FLG: variants seen among roughly 807,000 people sequenced by gnomAD.
FLG encodes filaggrin, also known as epidermal filaggrin.
Under a neutral mutation model 3.8 loss-of-function variants are expected in FLG, and 6 were observed. The ratio of observed to expected loss-of-function variants is 1.60; its 90% confidence interval spans 0.87 to 3.15. The LOEUF (loss-of-function observed/expected upper bound fraction) is 3.15. Ranked by LOEUF, FLG falls within the 30% of genes most tolerant of loss-of-function variation. FLG has a pLI of 0.00. For synonymous variants in FLG, 2,551 were observed against 1,931.6 expected, an observed-to-expected ratio of 1.32 and a Z score of -8.41; for missense variants, 7,595 against 5,050.9, an observed-to-expected ratio of 1.50 and a Z score of -15.27.
At chr1:152,324,057 G>A (rs1653065688) in intron 1 of FLG, among the ~76,000 whole-genome samples, 1 of 151,546 alleles carries the variant, frequency 6.6e-6, no homozygotes, top group Non-Finnish European at 1.5e-5. Flanking sequence ...GAATCAGTGT[G>A]ATGAGAAAAC....
rs774998221 is a variant in FLG, at chr1:152,304,718, C to T, written c.10168G>A (p.Val3390Met). The T allele has an allele frequency of 1.5e-5, 24 of 1,613,300 alleles. No homozygotes were observed. In the Admixed American group the frequency reaches 3.8e-4, roughly 26 times the overall value. ...SGRSGSFLYQ[V>M]STHEQSESAH... is the part of the protein sequence containing the mutation. ...GACTCAGACTGTTCATGAGTGCTCA[C>T]CTGGTAGAGGAAAGACCCTGAACGT... The change falls in exon 3 of 3, where the codon GTG (valine) becomes ATG (methionine). Residue 3390 changes from valine to methionine, a missense_variant. By Grantham distance (21) the Val-to-Met change is conservative. Transcript: ENST00000368799.
Position 152,309,610 on chromosome 1 carries a change from G to C in FLG, c.5276C>G (p.Ser1759Cys). 6.2e-7 allele frequency: 1 copy of C among 1,613,928 alleles called. No individual in the cohort carries two copies. Among genetic ancestry groups the C allele is most frequent in the Non-Finnish European group, 8.5e-7 (1 of 1,179,988 alleles). ...GTAGAGGAAAGACCCTGAACGTCCAGACCTTTCCCCTGACTGGCCACGTGT... is the reference window on the plus strand; with the variant it reads ...GTAGAGGAAAGACCCTGAACGTCCACACCTTTCCCCTGACTGGCCACGTGT... Reference protein sequence around the residue: ...ESTRGQSGERSGRSGSFLYQV... With the variant: ...ESTRGQSGERCGRSGSFLYQV... Residue 1759 changes from serine (S) to cysteine (C), a missense_variant, in exon 3 of 3, where the codon TCT becomes TGT. Coordinates refer to ENST00000368799, the MANE Select transcript of FLG (RefSeq NM_002016.2).
intron 1 of FLG, among the ~76,000 whole-genome samples, chr1:152,315,978 A>C (rs1013764344): frequency 1.3e-5 from 2 of 152,178 alleles, no homozygotes; most frequent in Non-Finnish European, 2.9e-5. Flanking sequence ...TAAACATTTC[A>C]TGAAGTTTAT....
At position 152,302,987 on chromosome 1, in the gene FLG, T is replaced by G; in HGVS notation, c.11899A>C (p.Lys3967Gln). The G allele has an allele frequency of 1.2e-6, 2 of 1,614,186 alleles. No homozygotes were observed. The highest frequency in any genetic ancestry group is 1.7e-6 in the Non-Finnish European group (2 of 1,180,026). ...HYQSEGTERQ[K>Q]GQSGLVWRHG... ...CTCCAAACTAAACCTGATTGACCTT[T>G]TTGCCTTTCAGTGCCCTCAGATTGA... is the stretch of plus-strand genomic sequence containing the variant. Residue 3967 changes from lysine (K) to glutamine (Q), a missense_variant, in exon 3 of 3, where the codon AAA (lysine) becomes CAA (glutamine). Physicochemically the swap from Lys to Gln is moderately conservative, Grantham distance 53 (BLOSUM62 1). Coordinates refer to ENST00000368799, the MANE Select transcript of FLG (RefSeq NM_002016.2).
Position 152,308,523 on chromosome 1 carries a change from C to A in FLG, c.6363G>T (p.Gln2121His). Residue 2121 changes from glutamine (Q) to histidine (H), a missense_variant, in exon 3 of 3, where the codon CAG becomes CAT. Transcript: ENST00000368799. ...CTGAGTGCCTGGAGCTGTCTTGTGC[C>A]TGATCATAATGGGATCCTTGTCTTC... is the stretch of plus-strand genomic sequence containing the variant. ...TGGRQGSHYD[Q>H]AQDSSRHSAS... is the part of the protein sequence containing the mutation. 1 of 1,613,624 alleles carries A rather than the reference C, an allele frequency of 6.2e-7. No homozygotes were observed. The highest frequency in any genetic ancestry group is 8.5e-7 in the Non-Finnish European group (1 of 1,179,712).
chr1:152,304,737 T>A lies in FLG; in HGVS notation c.10149A>T (p.Ser3383=), dbSNP rs1651832146. Residue 3383 remains serine (S), a synonymous_variant, in exon 3 of 3, where the codon TCA becomes TCT. Transcript: ENST00000368799. ...RDRSGGRSGR[S]GSFLYQVSTH... is the part of the protein sequence containing the mutation. ...TGCTCACCTGGTAGAGGAAAGACCC[T>A]GAACGTCCAGACCTTCCCCCTGACC... is the stretch of plus-strand genomic sequence containing the variant. The A allele has an allele frequency of 6.2e-7, 1 of 1,613,484 alleles. No individual in the cohort carries two copies. The highest frequency in any genetic ancestry group is 1.3e-5 in the African/African-American group (1 of 74,890).
rs1652244429 is a variant in FLG, at chr1:152,309,591, GA to G, written c.5294del (p.Phe1765SerfsTer5). ...GTTCATGAGTGCTCACCTGGTAGAG[GA>G]AAGACCCTGAACGTCCAGACCTTTC... Reference protein sequence around the residue: ...SGERSGRSGSFLYQVSTHEQS... With the variant: ...SGERSGRSGSXLYQVSTHEQS... On this transcript the variant is annotated frameshift_variant, in exon 3 of 3. Coordinates refer to ENST00000368799, the MANE Select transcript of FLG (RefSeq NM_002016.2). LOFTEE classifies it low-confidence loss of function (END_TRUNC). 6.2e-7 allele frequency: 1 copy of G among 1,613,892 alleles called. No homozygotes were observed. The highest frequency in any genetic ancestry group is 2.2e-5 in the East Asian group (1 of 44,826).
rs756516055 is a variant in FLG at position 152,307,325 on chromosome 1, C to T, written c.7561G>A (p.Glu2521Lys). 4.1e-5 allele frequency: 66 copies of T among 1,613,416 alleles called. No individual in the cohort carries two copies. In the African/African-American group the frequency reaches 6.7e-4, roughly 16 times the overall value. ...TGCCTGGAGCCGTCTCCTGATTGTTCATCGTTACGAGTTTGTCTGCTTGCA... is the reference window on the plus strand; with the variant it reads ...TGCCTGGAGCCGTCTCCTGATTGTTTATCGTTACGAGTTTGTCTGCTTGCA... ...RSASRQTRNDEQSGDGSRHSG... is the reference protein window; with the variant it reads ...RSASRQTRNDKQSGDGSRHSG... The change falls in exon 3 of 3, where the codon GAA becomes AAA. Residue 2521 changes from glutamate to lysine, a missense_variant. Coordinates refer to ENST00000368799, the MANE Select transcript of FLG (RefSeq NM_002016.2).
Position 152,310,490 on chromosome 1 carries a change from G to T in FLG, c.4396C>A (p.Gln1466Lys), listed in dbSNP as rs1652328185. ...GQTAPSTGGR[Q>K]GSRHEQARNS... Reference sequence around the variant, plus strand: ...CGTGCCTGCTCATGGCGGGATCCTTGTCTTCCTCCAGTGCTGGGTGCAGTC... The same window carrying T: ...CGTGCCTGCTCATGGCGGGATCCTTTTCTTCCTCCAGTGCTGGGTGCAGTC... Residue 1466 changes from glutamine to lysine, a missense_variant, in exon 3 of 3, where the codon CAA becomes AAA. Gln to Lys is a moderately conservative substitution (Grantham distance 53, BLOSUM62 1). Coordinates refer to ENST00000368799, the MANE Select transcript of FLG (RefSeq NM_002016.2). 1.9e-6 allele frequency: 3 copies of T among 1,613,668 alleles called. No homozygotes were observed. The highest frequency in any genetic ancestry group is 2.5e-6 in the Non-Finnish European group (3 of 1,179,876).
chr1:152,303,425 C>T lies in FLG; in HGVS notation c.11461G>A (p.Asp3821Asn), dbSNP rs1651723740. 6.2e-7 allele frequency: 1 copy of T among 1,614,044 alleles called. No homozygotes were observed. Among genetic ancestry groups the T allele is most frequent in the Non-Finnish European group, 8.5e-7 (1 of 1,180,036 alleles). ...CGCGACCCTGAGTGCCTGGAGCCGT[C>T]TCCTGACTGTTCCTCATTACGTGTT... ...RETRNEEQSG[D>N]GSRHSGSRHH... Residue 3821 changes from aspartate (D) to asparagine (N), a missense_variant, in exon 3 of 3, where the codon GAC becomes AAC. By Grantham distance (23) the Asp-to-Asn change is conservative. Coordinates refer to ENST00000368799, the MANE Select transcript of FLG (RefSeq NM_002016.2).
Position 152,313,537 on chromosome 1 carries a change from T to C in FLG, c.1349A>G (p.His450Arg). 1.2e-6 allele frequency: 2 copies of C among 1,613,676 alleles called. No individual in the cohort carries two copies. The highest frequency in any genetic ancestry group is 2.7e-5 in the African/African-American group (2 of 74,892). Reference sequence around the variant, plus strand: ...TGACCGGCCACGTGTGGACTCTTGGTGGCTCTGCTGTCTCAGCCCAGCCTT... The same window carrying C: ...TGACCGGCCACGTGTGGACTCTTGGCGGCTCTGCTGTCTCAGCCCAGCCTT... ...HGKAGLRQQS[H>R]QESTRGRSGE... Residue 450 changes from histidine to arginine, a missense_variant, in exon 3 of 3, where the codon CAC becomes CGC. By Grantham distance (29) the His-to-Arg change is conservative (BLOSUM62 0). Transcript: ENST00000368799.
At position 152,304,923 on chromosome 1, in the gene FLG, T is replaced by G. The variant is rs1318964496; in HGVS notation, c.9963A>C (p.Gly3321=). The part of the protein sequence containing the change: ...DSSRHSGIPR[G]QASSAVRDSR... Reference sequence around the variant, plus strand: ...TGTCTCTGACTGCAGATGAAGCTTGTCCACGCGGAATGCCTGAGTGTCTGG... The same window carrying G: ...TGTCTCTGACTGCAGATGAAGCTTGGCCACGCGGAATGCCTGAGTGTCTGG... The change falls in exon 3 of 3, where the codon GGA becomes GGC. Residue 3321 remains glycine, a synonymous_variant. Coordinates refer to ENST00000368799, the MANE Select transcript of FLG (RefSeq NM_002016.2). 1 of 1,613,694 alleles carries G rather than the reference T, an allele frequency of 6.2e-7. No individual in the cohort carries two copies. Among genetic ancestry groups the G allele is most frequent in the Non-Finnish European group, 8.5e-7 (1 of 1,179,944 alleles).
In FLG at chr1:152,308,627, A is replaced by G. The variant is rs537052355; in HGVS notation, c.6259T>C (p.Ser2087Pro). ...CTCACCTGGTAGAGGAAAGACCCTG[A>G]ACGTCCAGAGCTTTCCCCTGACTGG... The part of the protein sequence containing the change: ...RGQSGESSGR[S>P]GSFLYQVSTH... The change falls in exon 3 of 3, where the codon TCA (serine) becomes CCA (proline). Residue 2087 changes from serine (S) to proline (P), a missense_variant. Transcript: ENST00000368799. 1.4e-5 allele frequency: 22 copies of G among 1,614,038 alleles called. No homozygotes were observed. Among genetic ancestry groups the G allele is most frequent in the Non-Finnish European group, 1.8e-5 (21 of 1,179,992 alleles).
Position 152,310,589 on chromosome 1 carries a change from C to A in FLG, c.4297G>T (p.Glu1433Ter), listed in dbSNP as rs267598030. 15 of 1,613,858 alleles carry A rather than the reference C, an allele frequency of 9.3e-6. No individual in the cohort carries two copies. Among genetic ancestry groups the A allele is most frequent in the Middle Eastern group, 1.6e-4 (1 of 6,084 alleles). ...HKESARGQSG[E>*]SSGRSRSFLY... The stretch of plus-strand genomic sequence containing the variant: ...AAAGACCTTGAACGTCCAGAGCTTT[C>A]CCCTGACTGGCCACGTGCGGACTCT... Residue 1433 changes from glutamate (E) to a stop codon, truncating the protein, a stop_gained, in exon 3 of 3, where the codon GAA (glutamate) becomes TAA (stop). Transcript: ENST00000368799. LOFTEE classifies it low-confidence loss of function (END_TRUNC).
Position 152,305,913 on chromosome 1 carries a change from G to T in FLG, c.8973C>A (p.His2991Gln), listed in dbSNP as rs1360535214. The T allele has an allele frequency of 7.1e-7, 1 of 1,398,870 alleles. No individual in the cohort carries two copies. The highest frequency in any genetic ancestry group is 9.7e-7 in the Non-Finnish European group (1 of 1,029,800). The allele number at this position is 1,398,870 out of a possible 1,614,324, so 86.7% of individuals were successfully genotyped here. Reference sequence around the variant, plus strand: ...AAGCTTGTCCGTGCCCAATGCCTGAGTGTCTGGAGCTGTCTGCTGACTGCT... The same window carrying T: ...AAGCTTGTCCGTGCCCAATGCCTGATTGTCTGGAGCTGTCTGCTGACTGCT... ...HHQQSADSSR[H>Q]SGIGHGQASS... The change falls in exon 3 of 3, where the codon CAC becomes CAA. Residue 2991 changes from histidine to glutamine, a missense_variant. Physicochemically the swap from His to Gln is conservative, Grantham distance 24. Coordinates refer to ENST00000368799, the MANE Select transcript of FLG (RefSeq NM_002016.2).
Position 152,308,224 on chromosome 1 carries a change from C to G in FLG, c.6662G>C (p.Arg2221Thr). The G allele has an allele frequency of 2.5e-6, 4 of 1,614,068 alleles. No individual in the cohort carries two copies. Among genetic ancestry groups the G allele is most frequent in the Non-Finnish European group, 3.4e-6 (4 of 1,179,964 alleles). ...HEASSWADSS[R>T]HSLVGQGQSS... ...TTGTCCCTGGCCCACCAGTGAGTGT[C>G]TAGAGCTGTCGGCCCAAGAGGAAGC... The change falls in exon 3 of 3, where the codon AGA becomes ACA. Residue 2221 changes from arginine to threonine, a missense_variant. By Grantham distance (71) the Arg-to-Thr change is moderately conservative (BLOSUM62 -1). Coordinates refer to ENST00000368799, the MANE Select transcript of FLG (RefSeq NM_002016.2).
chr1:152,319,550 T>G (rs1652890204), intron 1 of FLG, among the ~76,000 whole-genome samples: 1 of 151,438 alleles, frequency 6.6e-6, no homozygotes, highest in Non-Finnish European at 1.5e-5. Flanking sequence ...ATAAAACTGC[T>G]GAACATTTGA....
chr1:152,307,611 C>A lies in FLG; in HGVS notation c.7275G>T (p.Glu2425Asp). The A allele has an allele frequency of 6.2e-7, 1 of 1,613,646 alleles. No individual in the cohort carries two copies. Among genetic ancestry groups the A allele is most frequent in the South Asian group, 1.1e-5 (1 of 91,052 alleles). The change falls in exon 3 of 3, where the codon GAG becomes GAT. Residue 2425 changes from glutamate (E) to aspartate (D), a missense_variant. By Grantham distance (45) the Glu-to-Asp change is conservative (BLOSUM62 2). Transcript: ENST00000368799. ...TGGTCCCGGTCCGTCCATGGGCGGA[C>A]TCAGACTGTTCATGAGTGCTCACCT... ...LYQVSTHEQS[E>D]SAHGRTGTST...
Position 152,315,302 on chromosome 1 carries a change from T to C in FLG, c.138+17A>G, listed in dbSNP as rs781678776. 6.2e-7 allele frequency: 1 copy of C among 1,612,438 alleles called. No individual in the cohort carries two copies. Among genetic ancestry groups the C allele is most frequent in the South Asian group, 1.1e-5 (1 of 90,906 alleles). ...AAAAACAAATGCTCTATCTTTGGTC[T>C]TGTCAGAGACTCTTACCTTCAGGAT... On this transcript the variant is annotated intron_variant, in intron 2 of 2. Coordinates refer to ENST00000368799, the MANE Select transcript of FLG (RefSeq NM_002016.2).
Sources: gnomAD v4.1 joint callset for allele counts (sites outside exome capture counted in the v4.1 genomes callset) on GRCh38, gnomAD v4.1.1 for gene constraint, MANE v1.5 for transcripts, NCBI Gene and HGNC (gene_info 2026-07-23, HGNC 2026-07-21) for gene names.